The following PTPRR variants were observed in gnomAD, a reference collection of about 807,000 sequenced individuals.
The protein encoded by PTPRR is protein tyrosine phosphatase receptor type R.
Under a neutral mutation model 77.2 loss-of-function variants are expected in PTPRR, and 38 were observed. The observed-to-expected ratio is 0.49, with a 90% CI of 0.38 to 0.65. The LOEUF (loss-of-function observed/expected upper bound fraction) is 0.65, where lower values mean the gene tolerates loss of function less well. Among genes scored for constraint, PTPRR ranks in the 30% least tolerant of loss-of-function variants. PTPRR has a pLI of 0.00. For missense variants in PTPRR, 744 were observed against 799.2 expected (o/e 0.93, Z 0.83); for synonymous variants, 299 against 283.1 (o/e 1.06, Z -0.57).
chr12:70,821,687 A>G (rs912403332), intron 2 of PTPRR, among the ~76,000 whole-genome samples: 4 of 151,734 alleles, frequency 2.6e-5, no homozygotes, highest in Admixed American at 2.6e-4. Flanking sequence ...TTTGAGATGG[A>G]GTCTCACTCT....
intron 5 of PTPRR, among the ~76,000 whole-genome samples, chr12:70,750,229 C>T (rs1890347176): frequency 6.6e-6 from 1 of 152,084 alleles, no homozygotes; most frequent in Admixed American, 6.6e-5. Context: ...GTTGTTGTTA[C>T]ATAGCACATA....
intron 5 of PTPRR, among the ~76,000 whole-genome samples, chr12:70,749,387 A>G (rs1890316068): frequency 6.6e-6 from 1 of 152,194 alleles, no homozygotes; most frequent in Non-Finnish European, 1.5e-5. Context: ...AAAACATGTT[A>G]GGCATTTAGC....
intron 2 of PTPRR, among the ~76,000 whole-genome samples, chr12:70,821,328 G>T (rs993876949): frequency 2.8e-5 from 4 of 144,650 alleles, no homozygotes; most frequent in African/African-American, 1.0e-4. Flanking sequence ...GGGTACAAGT[G>T]ATTCTCCTGC....
At chr12:70,717,936 A>T (rs1428446560) in intron 6 of PTPRR, among the ~76,000 whole-genome samples, 1 of 152,238 alleles carries the variant, frequency 6.6e-6, no homozygotes, top group Non-Finnish European at 1.5e-5. Context: ...TTATCATATA[A>T]AACCTGATAA....
intron 2 of PTPRR, among the ~76,000 whole-genome samples, chr12:70,823,105 T>A (rs1279661984): frequency 1.3e-3 from 148 of 112,326 alleles, no homozygotes; most frequent in Admixed American, 5.1e-3. Flanking sequence ...TGTCTCTCTC[T>A]CTGACACACA....
chr12:70,875,594 A>G (rs990534470), intron 2 of PTPRR, among the ~76,000 whole-genome samples: 1 of 152,036 alleles, frequency 6.6e-6, no homozygotes, highest in African/African-American at 2.4e-5. Flanking sequence ...GGAATTATAA[A>G]TAAGTTAAAT....
intron 2 of PTPRR, chr12:70,788,686 C>T (rs1241296867): frequency 1.3e-5 from 9 of 712,784 alleles, no homozygotes; most frequent in Admixed American, 2.5e-5. Context: ...CTAGATATCA[C>T]ATAAGTTCTA....
At chr12:70,644,240 G>A (rs112657380) in intron 13 of PTPRR, among the ~76,000 whole-genome samples, 420 of 152,230 alleles carry the variant, frequency 2.8e-3, no homozygotes, top group African/African-American at 9.2e-3. Context: ...TTTATTGTGC[G>A]TCAGATATTT....
At position 70,678,154 on chromosome 12, in the gene PTPRR, C is replaced by T. The variant is rs539934902; in HGVS notation, c.1497+5973G>A. Among the ~76,000 whole-genome samples the T allele has an allele frequency of 2.0e-5, 3 of 152,246 alleles. No homozygotes were observed. The East Asian group carries it at 5.8e-4, about 29-fold the overall frequency. On this transcript the variant is annotated intron_variant, in intron 10 of 13. Transcript: ENST00000283228. ...GTCCCGGGTTCAAGTGATTCTCCTG[C>T]CTCAGCTTCCCAGGTAGCTGGGATT...
intron 10 of PTPRR, among the ~76,000 whole-genome samples, chr12:70,673,607 G>A (rs908229350): frequency 6.6e-6 from 1 of 152,016 alleles, no homozygotes; most frequent in Non-Finnish European, 1.5e-5. Context: ...GTGCTATGTT[G>A]ATTTTATAAG....
rs759082873 is a variant in PTPRR, at chr12:70,638,903, G to T, written c.*281C>A. On this transcript the variant is annotated 3_prime_UTR_variant, in exon 14 of 14. Transcript: ENST00000283228. Reference sequence around the variant, plus strand: ...ACATTCTGTGTGGCAGATAGAGTCAGTACAGACAAAACAAAATCTGCCTTA... The same window carrying T: ...ACATTCTGTGTGGCAGATAGAGTCATTACAGACAAAACAAAATCTGCCTTA... 1.5e-5 allele frequency: 6 copies of T among 409,184 alleles called. No homozygotes were observed. The highest frequency in any genetic ancestry group is 2.7e-5 in the Non-Finnish European group (6 of 224,264). The allele number at this position is 409,184 out of a possible 1,614,324, so 25.3% of individuals were successfully genotyped here. A position where few individuals can be genotyped will look rare whatever the true frequency, so the allele number is the denominator to read the frequency against.
chr12:70,909,754 T>C (rs539319828), intron 1 of PTPRR, among the ~76,000 whole-genome samples: 3 of 152,320 alleles, frequency 2.0e-5, no homozygotes, highest in South Asian at 2.1e-4. Flanking sequence ...TGGATTCATA[T>C]AGTCTGTAGA....
At chr12:70,819,659 G>A (rs1891969372) in intron 2 of PTPRR, among the ~76,000 whole-genome samples, 1 of 152,160 alleles carries the variant, frequency 6.6e-6, no homozygotes, top group Non-Finnish European at 1.5e-5. Flanking sequence ...AAAGCAGTTT[G>A]GGAAGATCAA....
At chr12:70,701,507 C>T (rs1888423649) in intron 6 of PTPRR, among the ~76,000 whole-genome samples, 184 bp from the exon 7 acceptor site, 1 of 152,058 alleles carries the variant, frequency 6.6e-6, no homozygotes, top group Non-Finnish European at 1.5e-5. Context: ...AGGAAAATAA[C>T]AATTTTGTTG....
At chr12:70,757,334 TC>T (rs1291458856) in intron 4 of PTPRR, among the ~76,000 whole-genome samples, 3 of 152,192 alleles carry the variant, frequency 2.0e-5, no homozygotes, top group African/African-American at 7.2e-5. Context: ...ACAACAAAAT[TC>T]CTGAATCATT....
chr12:70,837,095 A>G (rs767039007), intron 2 of PTPRR, among the ~76,000 whole-genome samples: 1 of 152,118 alleles, frequency 6.6e-6, no homozygotes, highest in African/African-American at 2.4e-5. Flanking sequence ...ACAATTGGGA[A>G]CAAAAGGCTT....
intron 1 of PTPRR, among the ~76,000 whole-genome samples, chr12:70,894,090 T>A (rs1236167077): frequency 6.6e-6 from 1 of 151,830 alleles, no homozygotes; most frequent in South Asian, 2.1e-4. Flanking sequence ...TATAACATAG[T>A]CCCTAGCAAT....
chr12:70,789,682 C>A (rs1159611571), intron 2 of PTPRR, among the ~76,000 whole-genome samples: 1 of 151,858 alleles, frequency 6.6e-6, no homozygotes, highest in Non-Finnish European at 1.5e-5. Context: ...CTTTTAGAAG[C>A]TAATAGTCTG....
At chr12:70,733,466 A>T (rs1306280419) in intron 6 of PTPRR, among the ~76,000 whole-genome samples, 2 of 80,064 alleles carry the variant, frequency 2.5e-5, no homozygotes, top group Admixed American at 1.2e-4. Context: ...AAGAAAAATT[A>T]TGGCAAAAAA....
Sources: allele counts gnomAD v4.1 joint callset (sites outside exome capture counted in the v4.1 genomes callset), GRCh38; gene constraint gnomAD v4.1.1; transcripts MANE v1.5; gene names NCBI Gene and HGNC (gene_info 2026-07-23, HGNC 2026-07-21).